FHIT: variants seen among roughly 807,000 people sequenced by gnomAD.
FHIT encodes the protein bis(5'-adenosyl)-triphosphatase.
A neutral mutation model predicts 17.9 loss-of-function variants in FHIT; 19 were observed. The ratio of observed to expected loss-of-function variants is 1.06; its 90% CI spans 0.74 to 1.56. FHIT has a LOEUF of 1.56. FHIT is among the 40% of genes most tolerant of loss of function. The pLI is 0.00. For missense variants in FHIT, 248 were observed against 189.2 expected, an observed-to-expected ratio of 1.31 and a Z score of -1.82; for synonymous variants, 81 against 69.7, an observed-to-expected ratio of 1.16 and a Z score of -0.81.
chr3:60,003,938 G>C (rs1164296529), intron 7 of FHIT, among the ~76,000 whole-genome samples: 2 of 150,934 alleles, frequency 1.3e-5, no homozygotes, highest in African/African-American at 2.4e-5. Context: ...TTTGAAATTA[G>C]AATGAGCTGA....
intron 1 of FHIT, among the ~76,000 whole-genome samples, chr3:61,209,456 AT>A: frequency 6.6e-6 from 1 of 152,332 alleles, no homozygotes; most frequent in East Asian, 1.9e-4. Context: ...AGGTACACCA[AT>A]CAGACATAGA....
intron 4 of FHIT, among the ~76,000 whole-genome samples, chr3:60,712,389 T>C (rs1553705388): frequency 6.6e-6 from 1 of 152,034 alleles, no homozygotes. Flanking sequence ...AATAACCAGC[T>C]AACATCATAA....
At chr3:60,579,822 C>T (rs1576917060) in intron 4 of FHIT, among the ~76,000 whole-genome samples, 1 of 152,030 alleles carries the variant, frequency 6.6e-6, no homozygotes, top group Non-Finnish European at 1.5e-5. Context: ...GTTAATGTCT[C>T]GAGGTTTCTA....
At chr3:60,467,106 G>T (rs972899519) in intron 5 of FHIT, among the ~76,000 whole-genome samples, 8 of 151,880 alleles carry the variant, frequency 5.3e-5, no homozygotes, top group African/African-American at 1.9e-4. Context: ...GGTTGTGTGT[G>T]TCTAGAAACA....
At chr3:60,614,254 A>C (rs1288111204) in intron 4 of FHIT, among the ~76,000 whole-genome samples, 3 of 152,128 alleles carry the variant, frequency 2.0e-5, no homozygotes, top group Non-Finnish European at 4.4e-5. Flanking sequence ...AAATGAGTAG[A>C]TATTTCTTGG....
At chr3:60,204,937 A>G (rs908636985) in intron 5 of FHIT, among the ~76,000 whole-genome samples, 1 of 152,104 alleles carries the variant, frequency 6.6e-6, no homozygotes, top group Non-Finnish European at 1.5e-5. Flanking sequence ...ACCAAAAAAA[A>G]CAAAAAAATC....
At chr3:61,029,493 C>T (rs1375421206) in intron 3 of FHIT, among the ~76,000 whole-genome samples, 1 of 152,108 alleles carries the variant, frequency 6.6e-6, no homozygotes, top group Non-Finnish European at 1.5e-5. Context: ...GGATGCAAAA[C>T]TAAGCCATCC....
Position 60,024,913 on chromosome 3 carries a change from G to A in FHIT, c.104-10761C>T, listed in dbSNP as rs60697939. ...TCTGGGTTCTCTTTGCAAAGCTGAAGGCCACTGGGAATATCTTTATTGCAG... is the reference window on the plus strand; with the variant it reads ...TCTGGGTTCTCTTTGCAAAGCTGAAAGCCACTGGGAATATCTTTATTGCAG... On this transcript the variant is annotated intron_variant, in intron 5 of 9. Coordinates refer to ENST00000492590, the MANE Select transcript of FHIT (RefSeq NM_002012.4). Among the ~76,000 whole-genome samples the A allele has an allele frequency of 5.9e-3, 906 of 152,298 alleles. 11 individuals carry two copies. Among genetic ancestry groups the A allele is most frequent in the African/African-American group, 0.021 (860 of 41,550 alleles).
chr3:60,433,059 T>A (rs987827857), intron 5 of FHIT, among the ~76,000 whole-genome samples: 5 of 152,060 alleles, frequency 3.3e-5, no homozygotes, highest in African/African-American at 9.7e-5. Context: ...AAACTTTATA[T>A]CTGTCAGACA....
At chr3:59,987,884 A>C (rs75298633) in intron 7 of FHIT, among the ~76,000 whole-genome samples, 1 of 152,076 alleles carries the variant, frequency 6.6e-6, no homozygotes, top group African/African-American at 2.4e-5. Context: ...TCTATTTCCT[A>C]TATCAAGAAG....
chr3:60,880,197 T>C lies in FHIT; in HGVS notation c.-110-58186A>G, dbSNP rs114068587. On this transcript the variant is annotated intron_variant, in intron 3 of 9. Transcript: ENST00000492590. Reference sequence around the variant, plus strand: ...ACAGAAGACTTTCAGCAGAACCTTATAGACCAGGAAAGAACAGAAAGCTAC... The same window carrying C: ...ACAGAAGACTTTCAGCAGAACCTTACAGACCAGGAAAGAACAGAAAGCTAC... Among the ~76,000 whole-genome samples, 847 of 152,228 alleles carry C rather than the reference T, an allele frequency of 5.6e-3. 16 individuals are homozygous for C. The highest frequency in any genetic ancestry group is 0.019 in the African/African-American group (796 of 41,558).
intron 4 of FHIT, among the ~76,000 whole-genome samples, chr3:60,612,474 T>G (rs1553674014): frequency 6.6e-6 from 1 of 152,218 alleles, no homozygotes; most frequent in Non-Finnish European, 1.5e-5. Flanking sequence ...TTTACACTAT[T>G]ATCAGGAAAT....
intron 7 of FHIT, among the ~76,000 whole-genome samples, chr3:59,965,671 C>T (rs1318618675): frequency 6.6e-6 from 1 of 152,178 alleles, no homozygotes; most frequent in Non-Finnish European, 1.5e-5. Flanking sequence ...CCAGAACCTT[C>T]AAGTGATTCT....
At chr3:61,018,413 A>G (rs1679127091) in intron 3 of FHIT, among the ~76,000 whole-genome samples, 1 of 152,218 alleles carries the variant, frequency 6.6e-6, no homozygotes, top group South Asian at 2.1e-4. Flanking sequence ...GCACATTACC[A>G]TTTACATTAG....
intron 5 of FHIT, among the ~76,000 whole-genome samples, chr3:60,377,273 T>C (rs1465883435): frequency 6.6e-6 from 1 of 151,082 alleles, no homozygotes; most frequent in Non-Finnish European, 1.5e-5. Flanking sequence ...ATCTCGGCGA[T>C]GCCTCAGCCT....
At chr3:60,310,649 C>A (rs1708899582) in intron 5 of FHIT, among the ~76,000 whole-genome samples, 1 of 152,020 alleles carries the variant, frequency 6.6e-6, no homozygotes. Context: ...AAGGCACAAC[C>A]CCCAAGACAA....
intron 4 of FHIT, among the ~76,000 whole-genome samples, chr3:60,662,540 T>C (rs2040282949): frequency 6.6e-6 from 1 of 152,186 alleles, no homozygotes; most frequent in Non-Finnish European, 1.5e-5. Context: ...TTTGGTTCCA[T>C]ATGAATTTTT....
chr3:60,058,404 C>T (rs1702171864), intron 5 of FHIT, among the ~76,000 whole-genome samples: 1 of 152,118 alleles, frequency 6.6e-6, no homozygotes, highest in African/African-American at 2.4e-5. Context: ...GTTGGGATTA[C>T]AGGCGTGAGC....
intron 4 of FHIT, among the ~76,000 whole-genome samples, chr3:60,610,236 A>G (rs1239993672): frequency 6.6e-6 from 1 of 152,164 alleles, no homozygotes; most frequent in Non-Finnish European, 1.5e-5. Context: ...AAGTTATGTG[A>G]TAAGTTTCCA....
Sources: gnomAD v4.1 joint callset for allele counts (sites outside exome capture counted in the v4.1 genomes callset) on GRCh38, gnomAD v4.1.1 for gene constraint, MANE v1.5 for transcripts, NCBI Gene and HGNC (gene_info 2026-07-23, HGNC 2026-07-21) for gene names.